The following MACC1 variants were observed in gnomAD, a reference collection of about 807,000 sequenced individuals.
MACC1 encodes the protein metastasis-associated in colon cancer protein 1.
A neutral mutation model predicts 70.7 loss-of-function variants in MACC1; 79 were observed. That is an observed-to-expected ratio of 1.12 (90% confidence interval 0.93 to 1.35). The LOEUF (loss-of-function observed/expected upper bound fraction) is 1.35, where lower values mean the gene tolerates loss of function less well. MACC1 is among the 40% of genes most tolerant of loss of function. The pLI, the probability that MACC1 is intolerant of heterozygous loss-of-function variation, is 0.00. For missense variants in MACC1, 1,106 were observed against 978.1 expected, an observed-to-expected ratio of 1.13 and a Z score of -1.74; for synonymous variants, 361 against 347.2, an observed-to-expected ratio of 1.04 and a Z score of -0.44.
Position 20,194,205 on chromosome 7 carries a change from G to C in MACC1, c.-218+23094C>G, listed in dbSNP as rs200852834. 7.2e-5 allele frequency among the ~76,000 whole-genome samples: 11 copies of C among 152,042 alleles called. No individual in the cohort carries two copies. The East Asian group carries it at 2.1e-3, about 29-fold the overall frequency. On this transcript the variant is annotated intron_variant, in intron 1 of 6. Coordinates refer to ENST00000400331, the MANE Select transcript of MACC1 (RefSeq NM_182762.4). ...TTTGGGAAGCCATGCTGCTCTGAGG[G>C]GTTTTTGCCGCTTTTTTTATATCCT...
rs1179978965 is a variant in MACC1 at position 20,164,344 on chromosome 7, A to C, written c.-97T>G. The C allele has an allele frequency of 1.3e-5, 2 of 151,622 alleles. No homozygotes were observed. Among genetic ancestry groups the C allele is most frequent in the Non-Finnish European group, 2.9e-5 (2 of 68,000 alleles). The allele number at this position is 151,622 out of a possible 1,614,324, so 9.4% of individuals were successfully genotyped here. On this transcript the variant is annotated 5_prime_UTR_variant, in exon 3 of 7. Transcript: ENST00000400331. ...GTTATACTCTTCTTTCTAATTCTTGATTTTTTTCTTTTCAAGTAGTTTTAT... is the reference window on the plus strand; with the variant it reads ...GTTATACTCTTCTTTCTAATTCTTGCTTTTTTTCTTTTCAAGTAGTTTTAT...
At chr7:20,207,201 C>T (rs1007357789) in intron 1 of MACC1, among the ~76,000 whole-genome samples, 10 of 151,562 alleles carry the variant, frequency 6.6e-5, no homozygotes, top group African/African-American at 1.5e-4. Context: ...AGTGCAGTGG[C>T]GCAGTCTCGG....
intron 6 of MACC1, among the ~76,000 whole-genome samples, chr7:20,147,738 TAAA>T (rs1781914560): frequency 6.6e-6 from 1 of 152,198 alleles, no homozygotes; most frequent in African/African-American, 2.4e-5. Context: ...GACAACCAGC[TAAA>T]TTTGGGTGAG....
At position 20,154,344 on chromosome 7, in the gene MACC1, C is replaced by T. The variant is rs759244227; in HGVS notation, c.2195G>A (p.Arg732His). ...CAGAACAGCAGCTTCTTGGATGAGA[C>T]GTGCGACTAACTCTTGGCAATCCAT... ...LKMDCQELVA[R>H]LIQEAAVLTS... The change falls in exon 6 of 7, where the codon CGT becomes CAT. Residue 732 changes from arginine to histidine, a missense_variant. By Grantham distance (29) the Arg-to-His change is conservative. Transcript: ENST00000400331. 4.4e-5 allele frequency: 71 copies of T among 1,613,702 alleles called. 1 individual carries two copies. Among genetic ancestry groups the T allele is most frequent in the African/African-American group, 2.7e-4 (20 of 74,880 alleles).
chr7:20,199,404 G>A (rs140145906), intron 1 of MACC1, among the ~76,000 whole-genome samples: 1 of 152,206 alleles, frequency 6.6e-6, no homozygotes, highest in African/African-American at 2.4e-5. Context: ...CATGGAGAAG[G>A]GACCTGGTGT....
At chr7:20,213,421 C>T (rs1783026511) in intron 1 of MACC1, among the ~76,000 whole-genome samples, 2 of 152,176 alleles carry the variant, frequency 1.3e-5, no homozygotes, top group South Asian at 4.1e-4. Flanking sequence ...AATCCCATTA[C>T]TGGGTATATA....
chr7:20,202,931 A>G (rs1300996162), intron 1 of MACC1, among the ~76,000 whole-genome samples: 1 of 152,222 alleles, frequency 6.6e-6, no homozygotes, highest in East Asian at 1.9e-4. Context: ...TTTGTTTAAA[A>G]ATGAATGTTC....
chr7:20,174,978 A>G (rs1178054104), intron 1 of MACC1, among the ~76,000 whole-genome samples: 2 of 152,090 alleles, frequency 1.3e-5, no homozygotes, highest in African/African-American at 4.8e-5. Context: ...TGTATATCAC[A>G]TATCCCAAAT....
intron 1 of MACC1, among the ~76,000 whole-genome samples, chr7:20,174,584 T>C (rs1187189521): frequency 6.6e-6 from 1 of 152,142 alleles, no homozygotes; most frequent in Non-Finnish European, 1.5e-5. Flanking sequence ...TAAAGAAAAG[T>C]ACGAGAATAA....
At chr7:20,214,634 C>T (rs1783043115) in intron 1 of MACC1, among the ~76,000 whole-genome samples, 1 of 152,064 alleles carries the variant, frequency 6.6e-6, no homozygotes, top group Admixed American at 6.6e-5. Flanking sequence ...AAACTAAGTA[C>T]TTTTTGCCTA....
At chr7:20,152,164 T>G (rs1464241458) in intron 6 of MACC1, among the ~76,000 whole-genome samples, 1 of 152,170 alleles carries the variant, frequency 6.6e-6, no homozygotes, top group Non-Finnish European at 1.5e-5. Context: ...GGAGAGAAAG[T>G]AAGCGAAACA....
intron 4 of MACC1, among the ~76,000 whole-genome samples, chr7:20,161,237 C>T (rs1022046849): frequency 6.6e-6 from 1 of 152,032 alleles, no homozygotes; most frequent in African/African-American, 2.4e-5. Flanking sequence ...AAAAATAATT[C>T]AAGCAAACTG....
intron 6 of MACC1, among the ~76,000 whole-genome samples, chr7:20,149,815 A>C (rs886986137): frequency 6.6e-5 from 10 of 151,996 alleles, no homozygotes; most frequent in African/African-American, 2.4e-4. Context: ...TCTCCTAATT[A>C]CTCCTCACCA....
intron 1 of MACC1, among the ~76,000 whole-genome samples, chr7:20,207,095 CTT>C (rs1230704330): frequency 6.6e-6 from 1 of 151,972 alleles, no homozygotes; most frequent in Non-Finnish European, 1.5e-5. Context: ...TTAGGATAAT[CTT>C]TCTAAAATGC....
rs77618519 is a variant in MACC1, at chr7:20,139,891, G to A, written c.*1055C>T. ...GTTTGCATGAGCATGCCAACATAAAGATATCAGTGTTTTCGGTGGTTAAGA... is the reference window on the plus strand; with the variant it reads ...GTTTGCATGAGCATGCCAACATAAAAATATCAGTGTTTTCGGTGGTTAAGA... On this transcript the variant is annotated 3_prime_UTR_variant, in exon 7 of 7. Transcript: ENST00000400331. 1 of 151,460 alleles carries A rather than the reference G, an allele frequency of 6.6e-6. No homozygotes were observed. Among genetic ancestry groups the A allele is most frequent in the East Asian group, 1.9e-4 (1 of 5,162 alleles). The allele number at this position is 151,460 out of a possible 1,614,324, so 9.4% of individuals were successfully genotyped here. A position where few individuals can be genotyped will look rare whatever the true frequency, so the allele number is the denominator to read the frequency against.
In MACC1 at chr7:20,137,496, A is replaced by C. The variant is rs924009206; in HGVS notation, c.*3450T>G. On this transcript the variant is annotated 3_prime_UTR_variant, in exon 7 of 7. Transcript: ENST00000400331. ...AGAGGATCTGTGGCTTATACAGAAA[A>C]ATTATTATGTTTCAAGCTGGGCACT... 1 of 152,194 alleles carries C rather than the reference A, an allele frequency of 6.6e-6. No homozygotes were observed. The highest frequency in any genetic ancestry group is 2.4e-5 in the African/African-American group (1 of 41,460). 9.4% of individuals were successfully genotyped at this position (152,194 alleles called of 1,614,324 possible).
chr7:20,209,400 A>T (rs913306805), intron 1 of MACC1, among the ~76,000 whole-genome samples: 2 of 152,232 alleles, frequency 1.3e-5, no homozygotes, highest in African/African-American at 4.8e-5. Context: ...CGTGATGTGG[A>T]TGTGAGACAT....
intron 1 of MACC1, among the ~76,000 whole-genome samples, chr7:20,205,635 G>C (rs1782900382): frequency 6.6e-6 from 1 of 151,984 alleles, no homozygotes; most frequent in Admixed American, 6.6e-5. Flanking sequence ...ATTCTTCCCT[G>C]TTTTCTGTGG....
At chr7:20,141,928 T>TACACAC (rs61204565) in intron 6 of MACC1, 2 of 145,602 alleles carry the variant, frequency 1.4e-5, no homozygotes, top group African/African-American at 2.5e-5. Flanking sequence ...AATTGTAGAA[T>TACACAC]ACACACACAC....
Sources: gnomAD v4.1 joint callset for allele counts (sites outside exome capture counted in the v4.1 genomes callset) on GRCh38, gnomAD v4.1.1 for gene constraint, MANE v1.5 for transcripts, NCBI Gene and HGNC (gene_info 2026-07-23, HGNC 2026-07-21) for gene names.